Variants in ERGIC3 observed in about 807,000 individuals in gnomAD.
ERGIC3 encodes the protein endoplasmic reticulum-Golgi intermediate compartment protein 3.
A neutral mutation model predicts 54.7 loss-of-function variants in ERGIC3; 33 were observed. The observed-to-expected ratio is 0.60, with a 90% CI of 0.46 to 0.81. The LOEUF is 0.81. Among genes scored for constraint, ERGIC3 ranks in the 30% least tolerant of loss-of-function variants. The pLI is 0.00. For synonymous variants in ERGIC3, 186 were observed against 189.8 expected, an observed-to-expected ratio of 0.98 and a Z score of 0.16; for missense variants, 399 against 488.4, an observed-to-expected ratio of 0.82 and a Z score of 1.73.
intron 8 of ERGIC3, among the ~76,000 whole-genome samples, chr20:35,555,301 G>GAC (rs1036577447): frequency 1.4e-4 from 22 of 152,136 alleles, no homozygotes; most frequent in Non-Finnish European, 2.4e-4. Context: ...TAGACAGACA[G>GAC]AGCCTCAGCG....
At chr20:35,544,084 T>G (rs1244580528) in intron 4 of ERGIC3, 4 of 199,350 alleles carry the variant, frequency 2.0e-5, no homozygotes, top group African/African-American at 9.4e-5. Context: ...AGACAGAGTC[T>G]CACTTTGTCG....
Position 35,556,941 on chromosome 20 carries a change from T to C in ERGIC3, c.880-32T>C. On this transcript the variant is annotated intron_variant, in intron 10 of 12. Transcript: ENST00000348547. ...GGTGGCTGGAGCCAGGTCCTAGCCC[T>C]AGCCCTGGCCCAGGCTCCCCTCCCA... 1.9e-6 allele frequency: 3 copies of C among 1,613,518 alleles called. No homozygotes were observed. The Middle Eastern group carries it at 5.0e-4, about 266-fold the overall frequency.
In ERGIC3 at chr20:35,557,604, T is replaced by C; in HGVS notation, c.*100T>C. On this transcript the variant is annotated 3_prime_UTR_variant, in exon 13 of 13. Coordinates refer to ENST00000348547, the MANE Select transcript of ERGIC3 (RefSeq NM_015966.3). The stretch of plus-strand genomic sequence containing the variant: ...CTCCTCGGTCAGCCCCAGCCCCAGG[T>C]TGATAAATCTATTGATTGATTGTGA... The C allele has an allele frequency of 1.0e-6, 1 of 967,764 alleles. No individual in the cohort carries two copies. The highest frequency in any genetic ancestry group is 2.4e-5 in the East Asian group (1 of 41,172). The allele number at this position is 967,764 out of a possible 1,614,324, so 59.9% of individuals were successfully genotyped here. A position where few individuals can be genotyped will look rare whatever the true frequency, so the allele number is the denominator to read the frequency against.
intron 4 of ERGIC3, chr20:35,544,389 C>T: frequency 3.5e-6 from 1 of 286,866 alleles, no homozygotes; most frequent in Non-Finnish European, 6.8e-6. Context: ...TTTTTTCTGT[C>T]AAGGTGTTCT....
chr20:35,557,483 T>G lies in ERGIC3; in HGVS notation c.1131T>G (p.Ile377Met). ...CAGCACGAGCCATCCAGAAGAAAAT[T>G]GATCTAGGGAAGACAACGTAGTCAC... ...YHSARAIQKK[I>M]DLGKTT Residue 377 changes from isoleucine to methionine, a missense_variant, in exon 13 of 13, where the codon ATT becomes ATG. Coordinates refer to ENST00000348547, the MANE Select transcript of ERGIC3 (RefSeq NM_015966.3). 1 of 1,614,132 alleles carries G rather than the reference T, an allele frequency of 6.2e-7. No individual in the cohort carries two copies. The highest frequency in any genetic ancestry group is 1.6e-4 in the Middle Eastern group (1 of 6,062).
intron 4 of ERGIC3, 48 bp from the exon 5 acceptor site, chr20:35,547,364 C>A: frequency 6.7e-7 from 1 of 1,484,926 alleles, no homozygotes; most frequent in Non-Finnish European, 9.4e-7. Context: ...CCACCGATTT[C>A]ACTGTGTCTG....
Position 35,547,435 on chromosome 20 carries a change from G to A in ERGIC3, c.391G>A (p.Val131Met), listed in dbSNP as rs148786229. 24 of 1,614,164 alleles carry A rather than the reference G, an allele frequency of 1.5e-5. No homozygotes were observed. The highest frequency in any genetic ancestry group is 1.9e-5 in the Non-Finnish European group (23 of 1,180,014). ...RHELGKVEVT[V>M]FDPDSLDPDR... ...AGAGCTTGGGAAAGTCGAGGTGACG[G>A]TGTTTGACCCTGACTCCCTGGACCC... Residue 131 changes from valine (V) to methionine (M), a missense_variant, in exon 5 of 13, where the codon GTG becomes ATG. Physicochemically the swap from Val to Met is conservative, Grantham distance 21 (BLOSUM62 1). Coordinates refer to ENST00000348547, the MANE Select transcript of ERGIC3 (RefSeq NM_015966.3).
rs759530706 is a variant in ERGIC3, at chr20:35,542,365, C to G, written c.131C>G (p.Ser44Cys). ...CTTCTCATGCTGCTACTGTTCCTGTCCGAGCTGCAGTATTACCTCACCACG... is the reference window on the plus strand; with the variant it reads ...CTTCTCATGCTGCTACTGTTCCTGTGCGAGCTGCAGTATTACCTCACCACG... ...SGLLMLLLFLSELQYYLTTEV... is the reference protein window; with the variant it reads ...SGLLMLLLFLCELQYYLTTEV... The change falls in exon 2 of 13, where the codon TCC (serine) becomes TGC (cysteine). Residue 44 changes from serine to cysteine, a missense_variant. Ser to Cys is a moderately radical substitution (Grantham distance 112). Transcript: ENST00000348547. The G allele has an allele frequency of 1.2e-6, 2 of 1,613,894 alleles. No individual in the cohort carries two copies. The highest frequency in any genetic ancestry group is 1.7e-6 in the Non-Finnish European group (2 of 1,179,994).
chr20:35,547,364 C>T, intron 4 of ERGIC3, 48 bp from the exon 5 acceptor site: 2 of 1,484,928 alleles, frequency 1.3e-6, no homozygotes, highest in African/African-American at 1.4e-5. Context: ...CCACCGATTT[C>T]ACTGTGTCTG....
Position 35,542,818 on chromosome 20 carries a change from C to A in ERGIC3, c.248-4C>A. 1 of 1,614,114 alleles carries A rather than the reference C, an allele frequency of 6.2e-7. No individual in the cohort carries two copies. Among genetic ancestry groups the A allele is most frequent in the Non-Finnish European group, 8.5e-7 (1 of 1,180,024 alleles). On this transcript the variant is annotated splice_polypyrimidine_tract_variant and splice_region_variant and intron_variant, in intron 3 of 12. Coordinates refer to ENST00000348547, the MANE Select transcript of ERGIC3 (RefSeq NM_015966.3). ...GTACCTTAGCCTGATTTTCCTGCTT[C>A]CAGATCTGAGTATTGATGCCATGGA...
chr20:35,556,266 G>T lies in ERGIC3; in HGVS notation c.874G>T (p.Gly292Ter). 1 of 1,614,114 alleles carries T rather than the reference G, an allele frequency of 6.2e-7. No homozygotes were observed. The highest frequency in any genetic ancestry group is 8.5e-7 in the Non-Finnish European group (1 of 1,180,008). ...VVPTVYMKVDGEVLRTNQFSV... is the reference protein window; with the variant it reads ...VVPTVYMKVD ...GCCCACTGTGTACATGAAGGTGGAC[G>T]GAGAGGTGAGTCAGGGAGCTCCCTA... The change falls in exon 10 of 13, where the codon GGA becomes TGA. Residue 292 changes from glycine (G) to a stop codon, truncating the protein, a stop_gained. Transcript: ENST00000348547. LOFTEE classifies it high-confidence loss of function.
At chr20:35,543,173 C>T (rs895122851) in intron 4 of ERGIC3, 22 of 479,306 alleles carry the variant, frequency 4.6e-5, no homozygotes, top group Non-Finnish European at 6.8e-5. Context: ...GTCCTCAATA[C>T]CTGCAGATGG....
chr20:35,543,303 C>A, intron 4 of ERGIC3: 1 of 340,600 alleles, frequency 2.9e-6, no homozygotes, highest in Admixed American at 3.9e-5. Context: ...TTAATTCAGC[C>A]CTTAATGCTC....
chr20:35,542,499 T>C lies in ERGIC3; in HGVS notation c.160-14T>C, dbSNP rs1372347522. The C allele has an allele frequency of 6.2e-7, 1 of 1,613,862 alleles. No individual in the cohort carries two copies. Among genetic ancestry groups the C allele is most frequent in the Middle Eastern group, 1.7e-4 (1 of 6,050 alleles). The stretch of plus-strand genomic sequence containing the variant: ...GGTTTGGGGCTAAGTCTTACTGAGG[T>C]AGCGCTGCCCCAGGTGCATCCTGAG... On this transcript the variant is annotated splice_polypyrimidine_tract_variant and intron_variant, in intron 2 of 12. Transcript: ENST00000348547.
chr20:35,542,917 G>T lies in ERGIC3; in HGVS notation c.343G>T (p.Val115Leu), dbSNP rs779750939. The T allele has an allele frequency of 1.9e-6, 3 of 1,614,066 alleles. No homozygotes were observed. The highest frequency in any genetic ancestry group is 2.2e-5 in the South Asian group (2 of 91,050). ...ACGACTAGATAAAGATGGCATCCCCGTGAGCTCAGAGGCTGAGCGGCATGG... is the reference window on the plus strand; with the variant it reads ...ACGACTAGATAAAGATGGCATCCCCTTGAGCTCAGAGGCTGAGCGGCATGG... Reference protein sequence around the residue: ...KQRLDKDGIPVSSEAERHELG... With the variant: ...KQRLDKDGIPLSSEAERHELG... The change falls in exon 4 of 13, where the codon GTG becomes TTG. Residue 115 changes from valine to leucine, a missense_variant. Coordinates refer to ENST00000348547, the MANE Select transcript of ERGIC3 (RefSeq NM_015966.3).
intron 7 of ERGIC3, chr20:35,554,351 C>T (rs2064699577): frequency 6.2e-7 from 1 of 1,614,084 alleles, no homozygotes; most frequent in Non-Finnish European, 8.5e-7. Flanking sequence ...TCTTCTCTCT[C>T]CTCCCTCCCC....
chr20:35,549,260 G>T (rs959791621), intron 7 of ERGIC3: 23 of 471,686 alleles, frequency 4.9e-5, no homozygotes, highest in African/African-American at 4.6e-4. Context: ...ACCTGTGCAT[G>T]AGGCTTTGGG....
chr20:35,550,149 T>C (rs1374788878), intron 7 of ERGIC3, among the ~76,000 whole-genome samples: 1 of 151,750 alleles, frequency 6.6e-6, no homozygotes, highest in Non-Finnish European at 1.5e-5. Flanking sequence ...TGAGGTAATA[T>C]TTTAGCAAAG....
chr20:35,546,260 T>A (rs2064648272), intron 4 of ERGIC3, among the ~76,000 whole-genome samples: 1 of 152,186 alleles, frequency 6.6e-6, no homozygotes, highest in African/African-American at 2.4e-5. Flanking sequence ...ACATTACCTA[T>A]AGGTGACTTG....
Sources: allele counts gnomAD v4.1 joint callset (sites outside exome capture counted in the v4.1 genomes callset), GRCh38; gene constraint gnomAD v4.1.1; transcripts MANE v1.5; gene names NCBI Gene and HGNC (gene_info 2026-07-23, HGNC 2026-07-21).